ZFHX3: variants seen among roughly 807,000 people sequenced by gnomAD.
ZFHX3 encodes the protein zinc finger homeobox 3, also known as zinc finger homeobox protein 3.
A neutral mutation model predicts 279.1 loss-of-function variants in ZFHX3; 42 were observed. The observed-to-expected ratio is 0.15, with a 90% CI of 0.12 to 0.19. The LOEUF is 0.19. Among genes scored for constraint, ZFHX3 ranks in the 10% least tolerant of loss-of-function variants. The pLI is 1.00. For missense variants in ZFHX3, 4,981 were observed against 4,754.0 expected, an observed-to-expected ratio of 1.05 and a Z score of -1.40; for synonymous variants, 2,293 against 1,957.8, an observed-to-expected ratio of 1.17 and a Z score of -4.52.
chr16:72,950,736 T>A lies in ZFHX3; in HGVS notation c.2949A>T (p.Ser983=). The stretch of plus-strand genomic sequence containing the variant: ...TGTAGCGGCAGAGCTTGCACTGGTA[T>A]GAGTCCCCCATCACCGCCTTCCACT... ...EDEWKAVMGD[S]YQCKLCRYNT... The change falls in exon 3 of 10, where the codon TCA becomes TCT. Residue 983 remains serine (S), a synonymous_variant. Coordinates refer to ENST00000268489, the MANE Select transcript of ZFHX3 (RefSeq NM_006885.4). 6.2e-7 allele frequency: 1 copy of A among 1,614,228 alleles called. No individual in the cohort carries two copies. The highest frequency in any genetic ancestry group is 1.1e-5 in the South Asian group (1 of 91,084).
chr16:72,881,692 A>G (rs2038475482), intron 4 of ZFHX3, among the ~76,000 whole-genome samples: 1 of 152,200 alleles, frequency 6.6e-6, no homozygotes, highest in African/African-American at 2.4e-5. Context: ...TAGGGGATCC[A>G]TATGGGAGGG....
chr16:73,633,449 T>C (rs79260946), intron 2 of ZFHX3, among the ~76,000 whole-genome samples: 8,930 of 152,124 alleles, frequency 0.059, 909 homozygotes, highest in African/African-American at 0.2. Flanking sequence ...CATGCAAAAA[T>C]GATAAAACCA....
intron 2 of ZFHX3, chr16:73,483,535 C>A: frequency 2.8e-6 from 1 of 358,498 alleles, no homozygotes; most frequent in Non-Finnish European, 5.4e-6. Flanking sequence ...TCCGCGTTCT[C>A]ATTTCTTGTC....
At position 72,796,150 on chromosome 16, in the gene ZFHX3, T is replaced by C. The variant is rs753991080; in HGVS notation, c.6532A>G (p.Met2178Val). 2 of 1,614,156 alleles carry C rather than the reference T, an allele frequency of 1.2e-6. No individual in the cohort carries two copies. Among genetic ancestry groups the C allele is most frequent in the South Asian group, 2.2e-5 (2 of 91,080 alleles). The change falls in exon 9 of 10, where the codon ATG becomes GTG. Residue 2178 changes from methionine (M) to valine (V), a missense_variant. Physicochemically the swap from Met to Val is conservative, Grantham distance 21 (BLOSUM62 1). Coordinates refer to ENST00000268489, the MANE Select transcript of ZFHX3 (RefSeq NM_006885.4). The part of the protein sequence containing the change: ...NSPSEEQIKE[M>V]ADKSGLPQKV... ...TGGGGCAACCCGGACTTGTCTGCCATCTCTTTTATTTGCTCTTCACTGGGG... is the reference window on the plus strand; with the variant it reads ...TGGGGCAACCCGGACTTGTCTGCCACCTCTTTTATTTGCTCTTCACTGGGG...
intron 4 of ZFHX3, among the ~76,000 whole-genome samples, chr16:72,882,094 T>C (rs1354643695): frequency 6.6e-6 from 1 of 150,494 alleles, no homozygotes; most frequent in African/African-American, 2.5e-5. Flanking sequence ...CGCCCAATGC[T>C]CACCCCTCAA....
intron 1 of ZFHX3, among the ~76,000 whole-genome samples, chr16:73,855,216 C>CTT (rs1032892286): frequency 0.015 from 1,693 of 111,520 alleles, 25 homozygotes; most frequent in East Asian, 0.023. Context: ...AGGCGTTAGC[C>CTT]TTTTTTTTTT....
intron 2 of ZFHX3, among the ~76,000 whole-genome samples, chr16:73,677,137 T>C (rs1051488085): frequency 4.6e-5 from 7 of 151,974 alleles, no homozygotes; most frequent in African/African-American, 1.4e-4. Flanking sequence ...AAGATGTTTA[T>C]ACATACTATC....
intron 1 of ZFHX3, among the ~76,000 whole-genome samples, chr16:72,994,674 G>C (rs1567623581): frequency 2.0e-5 from 3 of 152,244 alleles, no homozygotes. Context: ...TCTTGATGTT[G>C]ACATCACTTA....
intron 4 of ZFHX3, among the ~76,000 whole-genome samples, chr16:73,263,995 C>T (rs1057227144): frequency 1.4e-4 from 22 of 152,126 alleles, no homozygotes; most frequent in Admixed American, 7.2e-4. Context: ...GGCTAAACCC[C>T]GTCCCTACCA....
intron 1 of ZFHX3, among the ~76,000 whole-genome samples, chr16:73,768,160 C>G (rs1351320369): frequency 6.6e-6 from 1 of 152,180 alleles, no homozygotes; most frequent in Non-Finnish European, 1.5e-5. Context: ...CTAATCCAGT[C>G]TTGATCCAAA....
intron 4 of ZFHX3, among the ~76,000 whole-genome samples, chr16:72,872,791 C>T (rs1259124878): frequency 6.6e-6 from 1 of 152,160 alleles, no homozygotes; most frequent in African/African-American, 2.4e-5. Flanking sequence ...ATGATATTCA[C>T]ACTCACCTAC....
intron 1 of ZFHX3, among the ~76,000 whole-genome samples, chr16:73,032,166 G>C (rs1302443688): frequency 6.6e-6 from 1 of 152,158 alleles, no homozygotes; most frequent in African/African-American, 2.4e-5. Flanking sequence ...ACGTGGTGAT[G>C]CATGCCTACA....
At position 72,811,761 on chromosome 16, in the gene ZFHX3, T is replaced by G; in HGVS notation, c.3680A>C (p.Tyr1227Ser). The G allele has an allele frequency of 6.2e-7, 1 of 1,613,836 alleles. No individual in the cohort carries two copies. Among genetic ancestry groups the G allele is most frequent in the African/African-American group, 1.3e-5 (1 of 75,058 alleles). ...IKPEQMYQCP[Y>S]CKYSNADVNR... ...GACATCGGCATTACTGTACTTGCAGTAGGGACACTGGTACATCTGTGGGGA... is the reference window on the plus strand; with the variant it reads ...GACATCGGCATTACTGTACTTGCAGGAGGGACACTGGTACATCTGTGGGGA... Residue 1227 changes from tyrosine (Y) to serine (S), a missense_variant, in exon 7 of 10, where the codon TAC becomes TCC. This residue lies in a region of ZFHX3 where 1,751 missense variants were observed against 1,770.0 expected (regional missense o/e 0.99). Coordinates refer to ENST00000268489, the MANE Select transcript of ZFHX3 (RefSeq NM_006885.4).
chr16:73,127,642 A>G (rs1460333308), intron 7 of ZFHX3: 2 of 1,246,238 alleles, frequency 1.6e-6, no homozygotes, highest in Admixed American at 5.9e-5. Context: ...ACTGGATGTT[A>G]TGGAACAGTT....
intron 3 of ZFHX3, chr16:73,421,538 C>A (rs562830364): frequency 6.6e-6 from 1 of 152,264 alleles, no homozygotes; most frequent in East Asian, 1.9e-4. Context: ...TAGTCATCGT[C>A]TAAACATCCA....
At chr16:73,248,837 A>C (rs553038778) in intron 5 of ZFHX3, among the ~76,000 whole-genome samples, 1 of 152,264 alleles carries the variant, frequency 6.6e-6, no homozygotes, top group South Asian at 2.1e-4. Flanking sequence ...ACATGTTTTT[A>C]TTCCAAAAGA....
intron 3 of ZFHX3, among the ~76,000 whole-genome samples, chr16:73,439,507 C>T (rs2018049983): frequency 6.6e-6 from 1 of 151,972 alleles, no homozygotes; most frequent in South Asian, 2.1e-4. Flanking sequence ...GCATACTATG[C>T]ATGAGGGAAA....
intron 5 of ZFHX3, among the ~76,000 whole-genome samples, chr16:73,243,690 G>C (rs4129177): frequency 0.48 from 73,539 of 151,896 alleles, 18,088 homozygotes; most frequent in East Asian, 0.62. Flanking sequence ...ATTTCACCAC[G>C]CTATAGACAT....
intron 3 of ZFHX3, among the ~76,000 whole-genome samples, chr16:72,940,701 G>A (rs1960371176): frequency 6.6e-6 from 1 of 152,262 alleles, no homozygotes; most frequent in Non-Finnish European, 1.5e-5. Flanking sequence ...GCCCTGCCAA[G>A]GCAATGTGGG....
Sources: allele counts gnomAD v4.1 joint callset (sites outside exome capture counted in the v4.1 genomes callset), GRCh38; gene constraint gnomAD v4.1.1; regional missense constraint gnomAD v4.1.1; transcripts MANE v1.5; gene names NCBI Gene and HGNC (gene_info 2026-07-23, HGNC 2026-07-21).